The following HAUS7 variants were observed in gnomAD, a reference collection of about 807,000 sequenced individuals.
The protein encoded by HAUS7 is HAUS augmin like complex subunit 7.
In HAUS7, 3 loss-of-function variants were observed where a neutral mutation model predicts 28.4. The observed-to-expected ratio is 0.11, with a 90% CI of 0.05 to 0.27. HAUS7 has a LOEUF of 0.27. Ranked by LOEUF, HAUS7 falls within the 10% of genes least tolerant of loss-of-function variation. The pLI is 1.00. For synonymous variants in HAUS7, 165 were observed against 132.1 expected, an observed-to-expected ratio of 1.25 and a Z score of -1.71; for missense variants, 284 against 297.3, an observed-to-expected ratio of 0.96 and a Z score of 0.33.
intron 8 of HAUS7, 134 bp downstream of exon 8, chrX:153,455,408 T>TCCCAGCCCCA: frequency 6.3e-6 from 3 of 477,838 alleles, no homozygotes; most frequent in African/African-American, 2.4e-5. Context: ...GCCCAGCCCC[T>TCCCAGCCCCA]CCCAGCCCCT....
intron 4 of HAUS7, among the ~76,000 whole-genome samples, chrX:153,460,262 G>A: frequency 8.9e-6 from 1 of 112,220 alleles, no homozygotes. Flanking sequence ...AGGGGAATGG[G>A]GAGTGGCTAC....
At chrX:153,460,247 G>A (rs2089370737) in intron 4 of HAUS7, among the ~76,000 whole-genome samples, 1 of 112,259 alleles carries the variant, frequency 8.9e-6, no homozygotes, top group Admixed American at 9.4e-5. Flanking sequence ...GGCTGCCAAG[G>A]CCTGAGGGGA....
At chrX:153,486,793 G>T (rs782816017) in intron 1 of HAUS7, 1 of 981,013 alleles carries the variant, frequency 1.0e-6, no homozygotes, top group Non-Finnish European at 1.3e-6. Context: ...CCAGCGGCGG[G>T]GGGAGGAGGG....
chrX:153,456,132 T>A (rs1602930894), intron 7 of HAUS7, 133 bp downstream of exon 7: 3 of 515,319 alleles, frequency 5.8e-6, no homozygotes, highest in African/African-American at 4.7e-5. Context: ...CCCCGCGGAC[T>A]GAGCACCACA....
chrX:153,457,163 C>T lies in HAUS7; in HGVS notation c.420G>A (p.Leu140=). 8.3e-7 allele frequency: 1 copy of T among 1,201,385 alleles called. No homozygotes were observed. The highest frequency in any genetic ancestry group is 1.1e-6 in the Non-Finnish European group (1 of 885,611). Reference sequence around the variant, plus strand: ...TCGAGCAACTGGAGCACCCAATGGTCAGGCTCCGGATGGTATCGAGCAACT... The same window carrying T: ...TCGAGCAACTGGAGCACCCAATGGTTAGGCTCCGGATGGTATCGAGCAACT... ...MDQLLDTIRS[L]TIGCSSCSSL... The change falls in exon 5 of 10, where the codon CTG becomes CTA. Residue 140 remains leucine, a synonymous_variant. Transcript: ENST00000370211.
At chrX:153,472,818 T>A (rs1482098259), upstream of HAUS7, among the ~76,000 whole-genome samples, 1 of 97,927 alleles carries the variant, frequency 1.0e-5, no homozygotes, top group African/African-American at 3.9e-5. Flanking sequence ...GAGGGAGGCC[T>A]GGGTGGGTCA....
At chrX:153,467,387 C>T (rs1272502959) in intron 2 of HAUS7, among the ~76,000 whole-genome samples, 1 of 111,726 alleles carries the variant, frequency 9.0e-6, no homozygotes, top group African/African-American at 3.3e-5. Context: ...CGTCGCTCCC[C>T]AGGTTCCACG....
At chrX:153,459,302 G>GTCATGTGA (rs1245089903) in intron 4 of HAUS7, among the ~76,000 whole-genome samples, 5 of 112,309 alleles carry the variant, frequency 4.5e-5, no homozygotes, top group Non-Finnish European at 7.5e-5. Flanking sequence ...TCCCTCATCA[G>GTCATGTGA]TCATGTGATT....
chrX:153,449,352 C>A, intron 9 of HAUS7, among the ~76,000 whole-genome samples: 1 of 112,401 alleles, frequency 8.9e-6, no homozygotes, highest in Middle Eastern at 4.6e-3. Flanking sequence ...GTGCTCAGCC[C>A]GCCTGGAATT....
intron 4 of HAUS7, among the ~76,000 whole-genome samples, chrX:153,460,670 T>C (rs1489189270): frequency 9.0e-6 from 1 of 111,160 alleles, no homozygotes; most frequent in Non-Finnish European, 1.9e-5. Flanking sequence ...AATGCCAATG[T>C]GGAAATATAA....
intron 2 of HAUS7, among the ~76,000 whole-genome samples, chrX:153,468,286 G>A (rs1278415201): frequency 2.6e-4 from 29 of 112,385 alleles, no homozygotes; most frequent in African/African-American, 9.4e-4. Flanking sequence ...AAGCAGCAAG[G>A]GTAGGCAGGC....
At chrX:153,475,557 G>T (rs963919450), upstream of HAUS7, among the ~76,000 whole-genome samples, 1 of 112,483 alleles carries the variant, frequency 8.9e-6, no homozygotes. Flanking sequence ...GCAACAGGAA[G>T]AGGGCATGGA....
intron 2 of HAUS7, among the ~76,000 whole-genome samples, chrX:153,467,615 C>A (rs1161527752): frequency 1.8e-5 from 2 of 112,475 alleles, no homozygotes; most frequent in African/African-American, 6.5e-5. Flanking sequence ...CCAACTCAGA[C>A]TGCAGTGCTG....
At chrX:153,485,811 A>T (rs1196552068) in intron 1 of HAUS7, 1 of 901,879 alleles carries the variant, frequency 1.1e-6, no homozygotes, top group African/African-American at 2.1e-5. Flanking sequence ...CGGCTGGTGC[A>T]CGTGCCCCGC....
chrX:153,466,904 T>C, intron 2 of HAUS7, among the ~76,000 whole-genome samples: 1 of 112,416 alleles, frequency 8.9e-6, no homozygotes, highest in Non-Finnish European at 1.9e-5. Flanking sequence ...ACCAGTATAA[T>C]GCATATATTC....
intron 2 of HAUS7, among the ~76,000 whole-genome samples, chrX:153,468,405 A>G (rs1217583618): frequency 1.8e-5 from 2 of 112,624 alleles, no homozygotes. Context: ...ATCCCACAGG[A>G]GCCTGTGCTC....
chrX:153,467,004 C>T (rs782788102), intron 2 of HAUS7, among the ~76,000 whole-genome samples: 280 of 112,034 alleles, frequency 2.5e-3, no homozygotes, highest in African/African-American at 8.7e-3. Context: ...ATCTGAGGGG[C>T]GTGGCTTTGG....
At chrX:153,451,233 C>G (rs894833486) in intron 9 of HAUS7, among the ~76,000 whole-genome samples, 15 of 112,430 alleles carry the variant, frequency 1.3e-4, no homozygotes, top group Non-Finnish European at 1.9e-4. Flanking sequence ...AGGGGCCTTT[C>G]TGAAAGGCAA....
Position 153,481,314 on chromosome X carries a change from G to T in HAUS7, c.-588-10169C>A, listed in dbSNP as rs1055525806. The T allele has an allele frequency of 1.0e-3, 731 of 712,770 alleles. 1 individual carries two copies. Among genetic ancestry groups the T allele is most frequent in the Non-Finnish European group, 1.1e-3 (705 of 627,896 alleles). 58.7% of individuals were successfully genotyped at this position (712,770 alleles called of 1,213,427 possible). On this transcript the variant is annotated intron_variant, in intron 1 of 5. Transcript: ENST00000370210. Reference sequence around the variant, plus strand: ...CGGGCAAGCCCCTGTTCCTCAGTAGGGCCCCTGTTGCTTGTGACCCAGCAG... The same window carrying T: ...CGGGCAAGCCCCTGTTCCTCAGTAGTGCCCCTGTTGCTTGTGACCCAGCAG...
Sources: allele counts gnomAD v4.1 joint callset (sites outside exome capture counted in the v4.1 genomes callset), GRCh38; gene constraint gnomAD v4.1.1; transcripts MANE v1.5; gene names NCBI Gene and HGNC (gene_info 2026-07-23, HGNC 2026-07-21).